CDH18: variants seen among roughly 807,000 people sequenced by gnomAD.
The protein encoded by CDH18 is cadherin 18, also known as cadherin-18.
A neutral mutation model predicts 67.9 loss-of-function variants in CDH18; 31 were observed. That is an observed-to-expected ratio of 0.46 (90% CI 0.34 to 0.62). The LOEUF is 0.62. Ranked by LOEUF, CDH18 falls within the 20% of genes least tolerant of loss-of-function variation. CDH18 has a pLI of 0.01. For missense variants in CDH18, 890 were observed against 975.5 expected, an observed-to-expected ratio of 0.91 and a Z score of 1.17; for synonymous variants, 362 against 347.2, an observed-to-expected ratio of 1.04 and a Z score of -0.48.
chr5:19,922,636 T>C (rs1478274122), intron 2 of CDH18, among the ~76,000 whole-genome samples: 2 of 152,214 alleles, frequency 1.3e-5, no homozygotes, highest in African/African-American at 4.8e-5. Flanking sequence ...GCTATGTACT[T>C]GGGTGAATTT....
chr5:20,282,799 A>T (rs1746386521), intron 1 of CDH18, among the ~76,000 whole-genome samples: 1 of 152,158 alleles, frequency 6.6e-6, no homozygotes, highest in Admixed American at 6.6e-5. Flanking sequence ...AGTTTATATG[A>T]AACACAAAAG....
At chr5:19,814,578 TA>T (rs1242493342) in intron 3 of CDH18, among the ~76,000 whole-genome samples, 1 of 151,582 alleles carries the variant, frequency 6.6e-6, no homozygotes, top group African/African-American at 2.4e-5. Flanking sequence ...AGGAGGGCGT[TA>T]AAACTTTCAC....
intron 2 of CDH18, among the ~76,000 whole-genome samples, chr5:20,119,649 C>T (rs562828778): frequency 6.6e-6 from 1 of 152,172 alleles, no homozygotes; most frequent in African/African-American, 2.4e-5. Flanking sequence ...CAGTAAGCCA[C>T]AGTGTGCACA....
chr5:19,910,357 C>T (rs1300656892), intron 2 of CDH18, among the ~76,000 whole-genome samples: 1 of 152,146 alleles, frequency 6.6e-6, no homozygotes, highest in Non-Finnish European at 1.5e-5. Flanking sequence ...CAAACAAGCA[C>T]ATTTTCCTTA....
chr5:19,863,537 T>C (rs1466498925), intron 2 of CDH18, among the ~76,000 whole-genome samples: 1 of 152,150 alleles, frequency 6.6e-6, no homozygotes, highest in Non-Finnish European at 1.5e-5. Flanking sequence ...AGGACAGTCA[T>C]TGCCTCATCC....
chr5:20,323,639 T>G (rs1456097757), intron 1 of CDH18, among the ~76,000 whole-genome samples: 2 of 152,204 alleles, frequency 1.3e-5, no homozygotes, highest in Non-Finnish European at 2.9e-5. Context: ...ATACATCATA[T>G]CCAGAGAGAA....
chr5:19,947,585 CAAAAAAAAAAA>C (rs35601486), intron 2 of CDH18, among the ~76,000 whole-genome samples: 21 of 53,316 alleles, frequency 3.9e-4, no homozygotes, highest in Middle Eastern at 0.019. Context: ...TACTAAAATA[CAAAAAAAAAAA>C]AAAAAAAAAA....
At chr5:19,596,514 C>T (rs1746185901) in intron 6 of CDH18, among the ~76,000 whole-genome samples, 2 of 152,050 alleles carry the variant, frequency 1.3e-5, no homozygotes, top group South Asian at 4.1e-4. Flanking sequence ...GTAGTTAATA[C>T]TAGGATGGTA....
chr5:20,375,587 T>C (rs1743347553), intron 1 of CDH18, among the ~76,000 whole-genome samples: 1 of 152,232 alleles, frequency 6.6e-6, no homozygotes, highest in South Asian at 2.1e-4. Flanking sequence ...TAGAGTCACC[T>C]GGCCTCCATT....
intron 1 of CDH18, among the ~76,000 whole-genome samples, chr5:20,567,328 G>A (rs374783039): frequency 6.6e-6 from 1 of 152,116 alleles, no homozygotes; most frequent in East Asian, 1.9e-4. Context: ...CACTCTCTGT[G>A]TTGAAGTATA....
At position 20,489,900 on chromosome 5, in the gene CDH18, T is replaced by C. The variant is rs112876367; in HGVS notation, c.-580+85562A>G. 7.9e-4 allele frequency among the ~76,000 whole-genome samples: 120 copies of C among 151,954 alleles called. 2 individuals are homozygous for C. Among genetic ancestry groups the C allele is most frequent in the African/African-American group, 2.6e-3 (108 of 41,550 alleles). ...TCAGGTTTTTATTTTAATATTCATG[T>C]TCTTATCTAATAGATTCAACTTTAC... On this transcript the variant is annotated intron_variant, in intron 1 of 14. Transcript: ENST00000507958.
At chr5:20,075,790 T>C (rs1456994093) in intron 2 of CDH18, among the ~76,000 whole-genome samples, 1 of 152,202 alleles carries the variant, frequency 6.6e-6, no homozygotes, top group East Asian at 1.9e-4. Flanking sequence ...TAATTTAGGT[T>C]GTGATTACAG....
At chr5:19,757,095 G>T (rs1305791264) in intron 3 of CDH18, among the ~76,000 whole-genome samples, 1 of 152,156 alleles carries the variant, frequency 6.6e-6, no homozygotes, top group Non-Finnish European at 1.5e-5. Context: ...ATTCCATGAG[G>T]ATAAGCCCAC....
intron 1 of CDH18, among the ~76,000 whole-genome samples, chr5:20,333,637 C>T (rs1320708344): frequency 4.6e-5 from 7 of 150,994 alleles, no homozygotes; most frequent in Non-Finnish European, 8.8e-5. Flanking sequence ...AATTTCATTC[C>T]TCAATTCAAA....
chr5:20,381,767 C>T (rs1427591331), intron 1 of CDH18, among the ~76,000 whole-genome samples: 7 of 152,030 alleles, frequency 4.6e-5, no homozygotes, highest in African/African-American at 7.2e-5. Flanking sequence ...AGGTTAGAGA[C>T]CTCTTCCCGT....
chr5:20,550,415 G>A (rs1219672964), intron 1 of CDH18, among the ~76,000 whole-genome samples: 25 of 152,124 alleles, frequency 1.6e-4, no homozygotes, highest in Admixed American at 1.6e-3. Flanking sequence ...GGACCTAAAG[G>A]TTAAAAATAA....
intron 1 of CDH18, among the ~76,000 whole-genome samples, chr5:20,321,552 A>G (rs1025927969): frequency 4.6e-5 from 7 of 151,952 alleles, no homozygotes; most frequent in African/African-American, 9.7e-5. Context: ...ATTCTTGTAT[A>G]AAAAAAGTGC....
chr5:20,540,367 C>T (rs183196677), intron 1 of CDH18, among the ~76,000 whole-genome samples: 1 of 152,118 alleles, frequency 6.6e-6, no homozygotes, highest in East Asian at 1.9e-4. Context: ...AAATCATAAC[C>T]ATATGTCAAC....
At chr5:20,376,090 A>ATTTTTTTTTTTTTTTTTTTTTTTTTTTT (rs1562014136) in intron 1 of CDH18, among the ~76,000 whole-genome samples, 1 of 16,880 alleles carries the variant, frequency 5.9e-5, no homozygotes, top group East Asian at 1.7e-3. Flanking sequence ...AAAAAGAAAC[A>ATTTTTTTTTTTTTTTTTTTTTTTTTTTT]ATTTTTTTTT....
Sources: allele counts gnomAD v4.1 joint callset (sites outside exome capture counted in the v4.1 genomes callset), GRCh38; gene constraint gnomAD v4.1.1; transcripts MANE v1.5; gene names NCBI Gene and HGNC (gene_info 2026-07-23, HGNC 2026-07-21).